LHFPL3: variants seen among roughly 807,000 people sequenced by gnomAD.
LHFPL3 encodes the protein LHFPL tetraspan subfamily member 3 protein.
LHFPL3 carries 5 observed loss-of-function variants against 19.3 expected under a neutral mutation model. The observed-to-expected ratio is 0.26, with a 90% CI of 0.14 to 0.54. The LOEUF (loss-of-function observed/expected upper bound fraction) is 0.54. LHFPL3 is among the 20% of genes least tolerant of loss of function. The pLI is 0.94. For synonymous variants in LHFPL3, 133 were observed against 126.2 expected, an observed-to-expected ratio of 1.05 and a Z score of -0.36; for missense variants, 249 against 307.4, an observed-to-expected ratio of 0.81 and a Z score of 1.42.
intron 2 of LHFPL3, among the ~76,000 whole-genome samples, chr7:104,751,310 C>T (rs1162684171): frequency 8.6e-5 from 13 of 151,358 alleles, no homozygotes; most frequent in Non-Finnish European, 1.6e-4. Flanking sequence ...ATCTTGGAGC[C>T]TTGCCACAAA....
chr7:104,437,715 A>G (rs570098746), intron 1 of LHFPL3, among the ~76,000 whole-genome samples: 1 of 152,140 alleles, frequency 6.6e-6, no homozygotes, highest in Admixed American at 6.5e-5. Flanking sequence ...TCAGAAACGT[A>G]TAGGGCTGGT....
intron 1 of LHFPL3, among the ~76,000 whole-genome samples, chr7:104,410,251 G>A (rs997016123): frequency 3.3e-5 from 5 of 152,116 alleles, no homozygotes; most frequent in African/African-American, 1.2e-4. Context: ...TCCTGCCTCA[G>A]CCTCCCAAAT....
At chr7:104,453,473 G>A (rs1792481401) in intron 1 of LHFPL3, among the ~76,000 whole-genome samples, 1 of 152,094 alleles carries the variant, frequency 6.6e-6, no homozygotes, top group South Asian at 2.1e-4. Context: ...AGGTTTTCGA[G>A]TCCTTGAGAA....
chr7:104,650,919 A>G (rs1281381447), intron 1 of LHFPL3, among the ~76,000 whole-genome samples: 1 of 152,108 alleles, frequency 6.6e-6, no homozygotes, highest in East Asian at 1.9e-4. Context: ...GAGTTTGGTT[A>G]AAAAAAATCA....
intron 1 of LHFPL3, among the ~76,000 whole-genome samples, chr7:104,413,116 A>T (rs1473958810): frequency 6.6e-6 from 1 of 152,258 alleles, no homozygotes; most frequent in Admixed American, 6.5e-5. Context: ...GCTTGGAAAT[A>T]TGCCAGGAAA....
intron 1 of LHFPL3, among the ~76,000 whole-genome samples, chr7:104,580,047 C>T (rs553458561): frequency 6.6e-6 from 1 of 152,304 alleles, no homozygotes; most frequent in South Asian, 2.1e-4. Context: ...TTTCAATGTT[C>T]TACCCTAGGT....
intron 2 of LHFPL3, among the ~76,000 whole-genome samples, chr7:104,887,919 T>A (rs916985869): frequency 6.6e-6 from 1 of 152,146 alleles, no homozygotes; most frequent in African/African-American, 2.4e-5. Flanking sequence ...GTTTGGGGGT[T>A]TTATTTGTGA....
chr7:104,881,005 C>T (rs1469751952), intron 2 of LHFPL3, among the ~76,000 whole-genome samples: 1 of 152,034 alleles, frequency 6.6e-6, no homozygotes, highest in Non-Finnish European at 1.5e-5. Context: ...CCCATCTCTA[C>T]TGAAAATACA....
At chr7:104,730,010 C>T (rs565148005) in intron 1 of LHFPL3, among the ~76,000 whole-genome samples, 77 of 151,982 alleles carry the variant, frequency 5.1e-4, no homozygotes, top group East Asian at 3.9e-4. Flanking sequence ...GTTTTTTGTC[C>T]TTGTGATAGT....
chr7:104,577,165 C>G (rs1003839948), intron 1 of LHFPL3, among the ~76,000 whole-genome samples: 2 of 152,126 alleles, frequency 1.3e-5, no homozygotes, highest in Admixed American at 1.3e-4. Flanking sequence ...CACTGCAGTT[C>G]TAAAGATATA....
chr7:104,599,250 C>T (rs774976065), intron 1 of LHFPL3, among the ~76,000 whole-genome samples: 1 of 152,184 alleles, frequency 6.6e-6, no homozygotes, highest in Non-Finnish European at 1.5e-5. Context: ...GATTTATAAA[C>T]ACATAAATAT....
chr7:104,346,752 T>C (rs1008643886), intron 1 of LHFPL3, among the ~76,000 whole-genome samples: 3 of 151,954 alleles, frequency 2.0e-5, no homozygotes, highest in Non-Finnish European at 4.4e-5. Flanking sequence ...CCTGTTCTTC[T>C]TTCACTCATT....
At chr7:104,471,904 G>C (rs1289003491) in intron 1 of LHFPL3, among the ~76,000 whole-genome samples, 1 of 152,158 alleles carries the variant, frequency 6.6e-6, no homozygotes, top group Non-Finnish European at 1.5e-5. Flanking sequence ...TCTGCCACAT[G>C]CAATGGCCCT....
intron 1 of LHFPL3, among the ~76,000 whole-genome samples, chr7:104,525,997 A>G (rs753348648): frequency 2.0e-5 from 3 of 152,136 alleles, no homozygotes; most frequent in Non-Finnish European, 2.9e-5. Context: ...CACTGCTGGA[A>G]GAGCCTTGTT....
At chr7:104,702,339 G>T (rs1270612336) in intron 1 of LHFPL3, among the ~76,000 whole-genome samples, 1 of 152,066 alleles carries the variant, frequency 6.6e-6, no homozygotes, top group African/African-American at 2.4e-5. Context: ...CATTATTTTG[G>T]ATTCCTTCAG....
intron 2 of LHFPL3, among the ~76,000 whole-genome samples, chr7:104,774,761 A>T (rs1794613233): frequency 6.6e-6 from 1 of 152,178 alleles, no homozygotes. Context: ...GTTCTTTCTG[A>T]TCATGTTCCT....
At chr7:104,895,249 CG>C (rs1242512217) in intron 2 of LHFPL3, 1 of 152,172 alleles carries the variant, frequency 6.6e-6, no homozygotes, top group East Asian at 1.9e-4. Flanking sequence ...ACCTGGTTTC[CG>C]GATGTTTCTG....
rs1562808146 is a variant in LHFPL3 at position 104,833,054 on chromosome 7, AT to A, written c.683-73131del. Among the ~76,000 whole-genome samples the A allele has an allele frequency of 1.3e-3, 77 of 61,452 alleles. 7 individuals are homozygous for A. The highest frequency in any genetic ancestry group is 6.2e-3 in the African/African-American group (72 of 11,652). The allele number at this position is 61,452 out of a possible 152,430, so 40.3% of individuals were successfully genotyped here. ...TATTATATATATATATTATATATAT[AT>A]TATATATAATATATATATTATATAT... On this transcript the variant is annotated intron_variant, in intron 2 of 2. Coordinates refer to ENST00000424859, the MANE Select transcript of LHFPL3 (RefSeq NM_199000.3).
chr7:104,438,328 T>C (rs1170545127), intron 1 of LHFPL3, among the ~76,000 whole-genome samples: 1 of 152,266 alleles, frequency 6.6e-6, no homozygotes, highest in Non-Finnish European at 1.5e-5. Context: ...GAAATACTTT[T>C]TTCAAGATTC....
Sources: gnomAD v4.1 joint callset for allele counts (sites outside exome capture counted in the v4.1 genomes callset) on GRCh38, gnomAD v4.1.1 for gene constraint, MANE v1.5 for transcripts, NCBI Gene and HGNC (gene_info 2026-07-23, HGNC 2026-07-21) for gene names.